The following KIAA1549L variants were observed in gnomAD, a reference collection of about 807,000 sequenced individuals.
The protein encoded by KIAA1549L is KIAA1549 like, also known as UPF0606 protein KIAA1549L.
Under a neutral mutation model 160.7 loss-of-function variants are expected in KIAA1549L, and 88 were observed. The observed-to-expected ratio is 0.55, with a 90% confidence interval of 0.46 to 0.65. KIAA1549L has a LOEUF of 0.65. Ranked by LOEUF, KIAA1549L falls within the 30% of genes least tolerant of loss-of-function variation. KIAA1549L has a pLI of 0.00. For missense variants in KIAA1549L, 2,258 were observed against 2,437.5 expected, an observed-to-expected ratio of 0.93 and a Z score of 1.55; for synonymous variants, 950 against 976.7, an observed-to-expected ratio of 0.97 and a Z score of 0.51.
chr11:33,466,629 A>G (rs1161614759), intron 1 of KIAA1549L, among the ~76,000 whole-genome samples: 4 of 152,160 alleles, frequency 2.6e-5, no homozygotes, highest in African/African-American at 9.7e-5. Flanking sequence ...TATATACCCA[A>G]AGGTTTATAA....
At chr11:33,585,791 C>T (rs530804599) in intron 11 of KIAA1549L, among the ~76,000 whole-genome samples, 19 of 152,316 alleles carry the variant, frequency 1.2e-4, no homozygotes, top group African/African-American at 4.1e-4. Context: ...GACAGATTAG[C>T]GTTTGTGGTT....
At chr11:33,602,092 T>A (rs945423489) in intron 13 of KIAA1549L, among the ~76,000 whole-genome samples, 3 of 152,226 alleles carry the variant, frequency 2.0e-5, no homozygotes, top group African/African-American at 7.2e-5. Flanking sequence ...TCTTAAGTCA[T>A]TTGGAAGCAA....
chr11:33,607,040 T>C (rs1181333917), intron 14 of KIAA1549L, among the ~76,000 whole-genome samples: 2 of 152,198 alleles, frequency 1.3e-5, no homozygotes, highest in Non-Finnish European at 2.9e-5. Context: ...CCTATGTTCA[T>C]TAAAAGCCCA....
chr11:33,508,394 G>T (rs1243102824), intron 1 of KIAA1549L, among the ~76,000 whole-genome samples: 1 of 152,140 alleles, frequency 6.6e-6, no homozygotes, highest in Non-Finnish European at 1.5e-5. Flanking sequence ...CTGCCTGCTG[G>T]ACTGTTAGCC....
intron 1 of KIAA1549L, among the ~76,000 whole-genome samples, chr11:33,533,377 T>G (rs2133154649): frequency 6.6e-6 from 1 of 152,290 alleles, no homozygotes; most frequent in South Asian, 2.1e-4. Context: ...TTGACATTAG[T>G]CAATAACAGG....
intron 18 of KIAA1549L, among the ~76,000 whole-genome samples, chr11:33,657,420 T>G (rs1298955004): frequency 6.6e-6 from 1 of 152,172 alleles, no homozygotes; most frequent in African/African-American, 2.4e-5. Flanking sequence ...GCCCTTCATA[T>G]AAACTCAGGA....
Position 33,668,058 on chromosome 11 carries a change from G to A in KIAA1549L, c.6345G>A (p.Leu2115=). Residue 2115 remains leucine, a synonymous_variant, in exon 21 of 21, where the codon CTG becomes CTA. Transcript: ENST00000658780. Reference sequence around the variant, plus strand: ...AAAACGACCCGTCTGACGCTCCCCTGACCAACATCTCCACTGCGGCCCTTG... The same window carrying A: ...AAAACGACCCGTCTGACGCTCCCCTAACCAACATCTCCACTGCGGCCCTTG... ...LAENDPSDAP[L]TNISTAALVK... is the part of the protein sequence containing the mutation. 5 of 1,614,032 alleles carry A rather than the reference G, an allele frequency of 3.1e-6. No homozygotes were observed. The highest frequency in any genetic ancestry group is 3.4e-6 in the Non-Finnish European group (4 of 1,179,906).
chr11:33,388,951 G>A (rs530735173), intron 1 of KIAA1549L, among the ~76,000 whole-genome samples: 15 of 152,272 alleles, frequency 9.9e-5, no homozygotes, highest in East Asian at 7.7e-4. Flanking sequence ...GGCCAAGGTC[G>A]CTGCTGCACC....
rs1244102893 is a variant in KIAA1549L at position 33,535,608 on chromosome 11, G to T, written c.239-6194G>T. ...GAACCCTTGAGTCCAAAAGATTGAG[G>T]CTGCAGTAGGCCATGATCACACCTC... On this transcript the variant is annotated intron_variant, in intron 1 of 20. Transcript: ENST00000658780. Among the ~76,000 whole-genome samples, 8 of 152,180 alleles carry T rather than the reference G, an allele frequency of 5.3e-5. No individual in the cohort carries two copies. The East Asian group carries it at 1.5e-3, about 29-fold the overall frequency.
At chr11:33,503,680 C>T (rs1369584713) in intron 1 of KIAA1549L, among the ~76,000 whole-genome samples, 1 of 152,138 alleles carries the variant, frequency 6.6e-6, no homozygotes, top group African/African-American at 2.4e-5. Flanking sequence ...TGAAATATGT[C>T]TGGCTGTACT....
At chr11:33,509,259 A>G (rs1853168589) in intron 1 of KIAA1549L, among the ~76,000 whole-genome samples, 1 of 152,184 alleles carries the variant, frequency 6.6e-6, no homozygotes, top group South Asian at 2.1e-4. Context: ...TGCAAACAGA[A>G]AACACCAAAG....
rs79475815 is a variant in KIAA1549L, at chr11:33,413,271, T to A, written c.238+36382T>A. 2.0e-3 allele frequency among the ~76,000 whole-genome samples: 301 copies of A among 151,206 alleles called. 5 individuals are homozygous for A. Among genetic ancestry groups the A allele is most frequent in the Admixed American group, 0.016 (245 of 15,148 alleles). On this transcript the variant is annotated intron_variant, in intron 1 of 20. Coordinates refer to ENST00000658780, the MANE Select transcript of KIAA1549L (RefSeq NM_012194.3). ...TTGAACACAGATTTTTTTTTTTTTT[T>A]AAATCAAGAATACCTCTTAAGGCTG...
intron 16 of KIAA1549L, among the ~76,000 whole-genome samples, chr11:33,635,586 C>T (rs916670821): frequency 2.0e-5 from 3 of 152,142 alleles, no homozygotes; most frequent in African/African-American, 4.8e-5. Context: ...TTGTAAAACC[C>T]CTGTTCACTT....
intron 1 of KIAA1549L, among the ~76,000 whole-genome samples, chr11:33,486,798 A>T (rs1852538354): frequency 6.6e-6 from 1 of 152,184 alleles, no homozygotes; most frequent in South Asian, 2.1e-4. Flanking sequence ...TGCAAAATTC[A>T]ATTTCTGATG....
At chr11:33,572,218 G>A (rs1855285659) in intron 9 of KIAA1549L, among the ~76,000 whole-genome samples, 1 of 151,960 alleles carries the variant, frequency 6.6e-6, no homozygotes, top group South Asian at 2.1e-4. Context: ...TGTATTTTTA[G>A]TAGAGATGGG....
chr11:33,473,830 T>G (rs1852231974), intron 1 of KIAA1549L, among the ~76,000 whole-genome samples: 1 of 152,226 alleles, frequency 6.6e-6, no homozygotes, highest in South Asian at 2.1e-4. Context: ...ATGCTGTATT[T>G]TAAAAACAGA....
At chr11:33,432,342 C>T (rs567001485) in intron 1 of KIAA1549L, among the ~76,000 whole-genome samples, 1 of 152,180 alleles carries the variant, frequency 6.6e-6, no homozygotes, top group Admixed American at 6.5e-5. Flanking sequence ...TTGACCCTGA[C>T]TCATGGTGAC....
chr11:33,534,588 T>G (rs1853851232), intron 1 of KIAA1549L, among the ~76,000 whole-genome samples: 2 of 151,792 alleles, frequency 1.3e-5, no homozygotes, highest in Admixed American at 1.3e-4. Flanking sequence ...TCTTGAAAAA[T>G]GGAATTAAAA....
chr11:33,530,040 A>G (rs1464249206), intron 1 of KIAA1549L, among the ~76,000 whole-genome samples: 1 of 151,988 alleles, frequency 6.6e-6, no homozygotes. Flanking sequence ...TTTCCTGCCT[A>G]ATGGATTTAA....
Sources: gnomAD v4.1 joint callset for allele counts (sites outside exome capture counted in the v4.1 genomes callset) on GRCh38, gnomAD v4.1.1 for gene constraint, MANE v1.5 for transcripts, NCBI Gene and HGNC (gene_info 2026-07-23, HGNC 2026-07-21) for gene names.